CPNE8: variants seen among roughly 807,000 people sequenced by gnomAD.
CPNE8 encodes the protein copine 8.
CPNE8 carries 45 observed loss-of-function variants against 81.5 expected under a neutral mutation model. That is an observed-to-expected ratio of 0.55 (90% CI 0.44 to 0.71). The LOEUF (loss-of-function observed/expected upper bound fraction) is 0.71, where lower values mean the gene tolerates loss of function less well. CPNE8 is among the 30% of genes least tolerant of loss of function. CPNE8 has a pLI of 0.00. For synonymous variants in CPNE8, 252 were observed against 226.3 expected (o/e 1.11, Z -1.02); for missense variants, 594 against 672.1 (o/e 0.88, Z 1.28).
intron 6 of CPNE8, among the ~76,000 whole-genome samples, chr12:38,793,742 C>T (rs980299367): frequency 1.3e-5 from 2 of 151,790 alleles, no homozygotes; most frequent in African/African-American, 4.8e-5. Flanking sequence ...TCATATAGAA[C>T]CTCGAGGGAC....
intron 13 of CPNE8, among the ~76,000 whole-genome samples, chr12:38,722,366 T>C (rs1008246075): frequency 6.6e-6 from 1 of 152,164 alleles, no homozygotes; most frequent in Non-Finnish European, 1.5e-5. Flanking sequence ...TGCCCGTATA[T>C]AGCAAAGAGT....
intron 6 of CPNE8, among the ~76,000 whole-genome samples, chr12:38,785,220 G>T (rs1413100821): frequency 6.6e-6 from 1 of 150,770 alleles, no homozygotes; most frequent in Non-Finnish European, 1.5e-5. Context: ...CCATTAAGGA[G>T]CAATAAGAAA....
intron 10 of CPNE8, among the ~76,000 whole-genome samples, chr12:38,754,408 T>C (rs182884405): frequency 8.6e-4 from 131 of 152,078 alleles, no homozygotes; most frequent in Middle Eastern, 3.4e-3. Flanking sequence ...CCATTCAAGG[T>C]AGGCAGGTGG....
At chr12:38,754,708 C>T (rs1265081223) in intron 10 of CPNE8, among the ~76,000 whole-genome samples, 2 of 151,494 alleles carry the variant, frequency 1.3e-5, no homozygotes, top group Non-Finnish European at 2.9e-5. Flanking sequence ...AATTCACAAG[C>T]TAGAGTTGAG....
At chr12:38,860,385 CAAAA>C (rs36025286) in intron 3 of CPNE8, among the ~76,000 whole-genome samples, 1 of 111,314 alleles carries the variant, frequency 9.0e-6, no homozygotes, top group African/African-American at 3.6e-5. Context: ...TGGCTATTAT[CAAAA>C]AAAAAAAAAA....
intron 7 of CPNE8, among the ~76,000 whole-genome samples, chr12:38,775,570 T>G (rs1941914756): frequency 6.6e-6 from 1 of 152,202 alleles, no homozygotes; most frequent in Non-Finnish European, 1.5e-5. Context: ...CAGATTAAGC[T>G]GGTCATTGTT....
At chr12:38,810,449 T>G (rs1020428387) in intron 6 of CPNE8, among the ~76,000 whole-genome samples, 1 of 152,206 alleles carries the variant, frequency 6.6e-6, no homozygotes, top group African/African-American at 2.4e-5. Context: ...TAGACTTTCC[T>G]GATACTCAAT....
intron 16 of CPNE8, 77 bp downstream of exon 16, chr12:38,685,413 G>A (rs756781482): frequency 2.6e-5 from 38 of 1,473,064 alleles, no homozygotes; most frequent in Non-Finnish European, 3.3e-5. Context: ...CATGTGTGGA[G>A]TCATGCTAGC....
At chr12:38,906,076 G>C, upstream of CPNE8, 1 of 986,676 alleles carries the variant, frequency 1.0e-6, no homozygotes, top group Non-Finnish European at 1.2e-6. Flanking sequence ...AGCTGGAGGT[G>C]GGGGCACCTC....
Position 38,670,735 on chromosome 12 carries a change from A to G in CPNE8, c.1500T>C (p.Ile500=). The G allele has an allele frequency of 3.1e-6, 5 of 1,605,084 alleles. No individual in the cohort carries two copies. The highest frequency in any genetic ancestry group is 4.3e-6 in the Non-Finnish European group (5 of 1,174,120). The change falls in exon 19 of 20, where the codon ATT becomes ATC. Residue 500 remains isoleucine, a synonymous_variant. Transcript: ENST00000331366. ...GAAAAGGTTTATTTCTTACCTGCAC[A>G]ATGTCTCTTTCAGCATATTTTCCTC... is the stretch of plus-strand genomic sequence containing the variant. ...SSRGKYAERD[I]VQFVPFRDYI...
chr12:38,817,942 A>C (rs1314859580), intron 6 of CPNE8, among the ~76,000 whole-genome samples: 2 of 152,024 alleles, frequency 1.3e-5, no homozygotes, highest in Non-Finnish European at 2.9e-5. Context: ...ATTTTTTTGA[A>C]GGCAATATAA....
At chr12:38,688,218 C>T (rs557585137) in intron 15 of CPNE8, among the ~76,000 whole-genome samples, 8 of 152,120 alleles carry the variant, frequency 5.3e-5, no homozygotes, top group Non-Finnish European at 8.8e-5. Context: ...ACTACAAGGT[C>T]ACCATTTTTC....
chr12:38,717,129 C>A (rs567989829), intron 13 of CPNE8, among the ~76,000 whole-genome samples: 1 of 151,704 alleles, frequency 6.6e-6, no homozygotes, highest in African/African-American at 2.4e-5. Context: ...ATTAAAAAGT[C>A]AAAAAACAAT....
intron 10 of CPNE8, among the ~76,000 whole-genome samples, chr12:38,748,726 A>T (rs1046622883): frequency 1.3e-5 from 2 of 152,094 alleles, no homozygotes; most frequent in Non-Finnish European, 2.9e-5. Context: ...GATGGTCTCA[A>T]TCTCCTGACC....
intron 1 of CPNE8, among the ~76,000 whole-genome samples, chr12:38,889,053 T>G (rs576548410): frequency 6.6e-6 from 1 of 152,354 alleles, no homozygotes; most frequent in South Asian, 2.1e-4. Context: ...ATTCTTATCC[T>G]ATGAGAATTT....
At chr12:38,750,354 G>A (rs1259309721) in intron 10 of CPNE8, among the ~76,000 whole-genome samples, 1 of 152,194 alleles carries the variant, frequency 6.6e-6, no homozygotes, top group Non-Finnish European at 1.5e-5. Context: ...TGTGAGAAGA[G>A]GGCCATGGTC....
chr12:38,808,587 A>T (rs1458895319), intron 6 of CPNE8, among the ~76,000 whole-genome samples: 1 of 116,542 alleles, frequency 8.6e-6, no homozygotes, highest in South Asian at 2.8e-4. Flanking sequence ...GGAACATCAC[A>T]CTCTGGGGAC....
At chr12:38,796,384 T>G (rs891423075) in intron 6 of CPNE8, among the ~76,000 whole-genome samples, 30 of 152,344 alleles carry the variant, frequency 2.0e-4, no homozygotes, top group African/African-American at 5.8e-4. Flanking sequence ...AATAAAAATT[T>G]CTTTAACAAG....
chr12:38,704,846 A>G lies in CPNE8; in HGVS notation c.915-1925T>C, dbSNP rs939436787. 5.8e-4 allele frequency among the ~76,000 whole-genome samples: 78 copies of G among 133,894 alleles called. 8 individuals are homozygous for G. The highest frequency in any genetic ancestry group is 4.9e-3 in the South Asian group (21 of 4,282). The allele number at this position is 133,894 out of a possible 152,430, so 87.8% of individuals were successfully genotyped here. On this transcript the variant is annotated intron_variant, in intron 13 of 19. Coordinates refer to ENST00000331366, the MANE Select transcript of CPNE8 (RefSeq NM_153634.3). ...TATGTGTATATATATATATATATAT[A>G]TATATATATATATATATTTAAATTT...
Sources: allele counts gnomAD v4.1 joint callset (sites outside exome capture counted in the v4.1 genomes callset), GRCh38; gene constraint gnomAD v4.1.1; transcripts MANE v1.5; gene names NCBI Gene and HGNC (gene_info 2026-07-23, HGNC 2026-07-21).